CACNB2: variants seen among roughly 807,000 people sequenced by gnomAD.
CACNB2 encodes calcium voltage-gated channel auxiliary subunit beta 2, also known as voltage-dependent L-type calcium channel subunit beta-2.
Under a neutral mutation model 73.3 loss-of-function variants are expected in CACNB2, and 42 were observed. The observed-to-expected ratio is 0.57, with a 90% confidence interval of 0.45 to 0.74. The LOEUF (loss-of-function observed/expected upper bound fraction) is 0.74. Ranked by LOEUF, CACNB2 falls within the 30% of genes least tolerant of loss-of-function variation. The pLI, the probability that CACNB2 is intolerant of heterozygous loss-of-function variation, is 0.00. For missense variants in CACNB2, 940 were observed against 853.0 expected, an observed-to-expected ratio of 1.10 and a Z score of -1.27; for synonymous variants, 348 against 310.3, an observed-to-expected ratio of 1.12 and a Z score of -1.28.
At position 18,150,957 on chromosome 10, in the gene CACNB2, A is replaced by G; in HGVS notation, c.195A>G (p.Ser65=). ...SDGSTSSDTT[S]NSFVRQGSAD... ...GAAGCACGTCATCTGATACTACCTCAAATAGTTTTGTTCGCCAGGTAAGAG... is the reference window on the plus strand; with the variant it reads ...GAAGCACGTCATCTGATACTACCTCGAATAGTTTTGTTCGCCAGGTAAGAG... The change falls in exon 2 of 14, where the codon TCA becomes TCG. Residue 65 remains serine (S), a synonymous_variant. Coordinates refer to ENST00000324631, the MANE Select transcript of CACNB2 (RefSeq NM_201596.3). The G allele has an allele frequency of 3.7e-6, 6 of 1,602,596 alleles. No homozygotes were observed. Among genetic ancestry groups the G allele is most frequent in the Non-Finnish European group, 5.1e-6 (6 of 1,174,312 alleles).
chr10:18,183,953 C>T (rs559319670), intron 2 of CACNB2, among the ~76,000 whole-genome samples: 110 of 152,296 alleles, frequency 7.2e-4, no homozygotes, highest in Admixed American at 2.0e-3. Context: ...CGTTGCTCCT[C>T]TGTGCAGATG....
At chr10:18,290,019 A>T (rs936509045) in intron 2 of CACNB2, among the ~76,000 whole-genome samples, 2 of 147,406 alleles carry the variant, frequency 1.4e-5, no homozygotes, top group Non-Finnish European at 3.0e-5. Context: ...TCTAAAAAGC[A>T]CTCCTTTGAC....
At chr10:18,498,297 AAGG>A in intron 3 of CACNB2, 55 bp from the exon 4 acceptor site, 1 of 1,604,796 alleles carries the variant, frequency 6.2e-7, no homozygotes, top group Non-Finnish European at 8.5e-7. Flanking sequence ...TTGAGGGAAA[AAGG>A]AGGGACAGTG....
At chr10:18,147,757 T>G (rs2031135854) in intron 1 of CACNB2, among the ~76,000 whole-genome samples, 2 of 152,198 alleles carry the variant, frequency 1.3e-5, no homozygotes, top group African/African-American at 4.8e-5. Flanking sequence ...TTTGAACACT[T>G]AATCTTCCCT....
At chr10:18,314,588 AAAC>A (rs2040085895) in intron 2 of CACNB2, among the ~76,000 whole-genome samples, 1 of 152,194 alleles carries the variant, frequency 6.6e-6, no homozygotes, top group Non-Finnish European at 1.5e-5. Flanking sequence ...GAGAAAAAAA[AAAC>A]GTGAGCCACC....
At chr10:18,294,527 C>G (rs1179043929) in intron 2 of CACNB2, among the ~76,000 whole-genome samples, 3 of 152,114 alleles carry the variant, frequency 2.0e-5, no homozygotes, top group Non-Finnish European at 2.9e-5. Flanking sequence ...AAAGCAAATA[C>G]CTAAGTAGTA....
chr10:18,248,181 C>T (rs1277260725), intron 2 of CACNB2, among the ~76,000 whole-genome samples: 2 of 152,208 alleles, frequency 1.3e-5, no homozygotes, highest in East Asian at 3.8e-4. Context: ...AGAAAAGCCC[C>T]ACTTTTCCAA....
At chr10:18,497,221 A>AAG (rs1445276030) in intron 3 of CACNB2, among the ~76,000 whole-genome samples, 5 of 151,458 alleles carry the variant, frequency 3.3e-5, no homozygotes, top group Non-Finnish European at 5.9e-5. Flanking sequence ...AAAAAAAAAA[A>AAG]AAAGAAAAGA....
chr10:18,262,166 G>A (rs1233457692), intron 2 of CACNB2, among the ~76,000 whole-genome samples: 1 of 152,118 alleles, frequency 6.6e-6, no homozygotes, highest in Non-Finnish European at 1.5e-5. Context: ...AATTGACAAA[G>A]CAAGCTAATC....
rs869311555 is a variant in CACNB2 at position 18,307,983 on chromosome 10, C to CTTTTTTTTTTTTTTTTTTTTTTTTTTTT, written c.214-93914_214-93913insTTTTTTTTTTTTTTTTTTTTTTTTTTTT. Among the ~76,000 whole-genome samples the CTTTTTTTTTTTTTTTTTTTTTTTTTTTT allele has an allele frequency of 5.6e-4, 39 of 70,246 alleles. 11 individuals are homozygous for CTTTTTTTTTTTTTTTTTTTTTTTTTTTT. The highest frequency in any genetic ancestry group is 8.9e-4 in the African/African-American group (15 of 16,764). The allele number at this position is 70,246 out of a possible 152,430, so 46.1% of individuals were successfully genotyped here. A position where few individuals can be genotyped will look rare whatever the true frequency, so the allele number is the denominator to read the frequency against. On this transcript the variant is annotated intron_variant, in intron 2 of 13. Coordinates refer to ENST00000324631, the MANE Select transcript of CACNB2 (RefSeq NM_201596.3). ...TTAAGTCTAAAATAATATATGCCAA[C>CTTTTTTTTTTTTTTTTTTTTTTTTTTTT]TTTTTTTTTTTTTTTTTTTTTTTTT...
Position 18,540,616 on chromosome 10 carries a change from T to G in CACNB2, c.*892T>G, listed in dbSNP as rs1457692942. On this transcript the variant is annotated 3_prime_UTR_variant, in exon 14 of 14. Coordinates refer to ENST00000324631, the MANE Select transcript of CACNB2 (RefSeq NM_201596.3). Reference sequence around the variant, plus strand: ...GTAAATATAAAACTCCAGAGGTTGTTCTACTCCATACAGTTCACACTGATT... The same window carrying G: ...GTAAATATAAAACTCCAGAGGTTGTGCTACTCCATACAGTTCACACTGATT... 2 of 152,576 alleles carry G rather than the reference T, an allele frequency of 1.3e-5. No individual in the cohort carries two copies. Among genetic ancestry groups the G allele is most frequent in the African/African-American group, 4.8e-5 (2 of 41,426 alleles). The allele number at this position is 152,576 out of a possible 1,614,324, so 9.5% of individuals were successfully genotyped here. A position where few individuals can be genotyped will look rare whatever the true frequency, so the allele number is the denominator to read the frequency against.
intron 2 of CACNB2, among the ~76,000 whole-genome samples, chr10:18,327,203 T>C (rs1393790795): frequency 1.3e-5 from 2 of 152,172 alleles, no homozygotes; most frequent in African/African-American, 2.4e-5. Context: ...ACCTGTGGAT[T>C]TGAGGGTCCA....
At chr10:18,267,198 T>TCG (rs2037849601) in intron 2 of CACNB2, among the ~76,000 whole-genome samples, 1 of 151,520 alleles carries the variant, frequency 6.6e-6, no homozygotes, top group Admixed American at 6.6e-5. Context: ...GAACTGCATT[T>TCG]TTTTTTTATT....
In CACNB2 at chr10:18,505,558, C is replaced by T. The variant is rs182777020; in HGVS notation, c.594-913C>T. ...AATATTTACGTAAGTAAATATTGCCCTTTGATGCATAAACACTGTAGCAAA... is the reference window on the plus strand; with the variant it reads ...AATATTTACGTAAGTAAATATTGCCTTTTGATGCATAAACACTGTAGCAAA... On this transcript the variant is annotated intron_variant, in intron 5 of 13. Transcript: ENST00000324631. 6.6e-5 allele frequency among the ~76,000 whole-genome samples: 10 copies of T among 152,134 alleles called. No individual in the cohort carries two copies. The East Asian group carries it at 1.9e-3, about 29-fold the overall frequency.
intron 3 of CACNB2, among the ~76,000 whole-genome samples, chr10:18,467,113 C>T (rs142040959): frequency 3.6e-3 from 549 of 152,278 alleles, no homozygotes; most frequent in African/African-American, 0.012. Flanking sequence ...AAGATCACAA[C>T]ACTGCACTAC....
chr10:18,415,501 C>G (rs918308790), intron 3 of CACNB2, among the ~76,000 whole-genome samples: 4 of 151,238 alleles, frequency 2.6e-5, no homozygotes, highest in African/African-American at 9.7e-5. Flanking sequence ...AAAAAAAAAG[C>G]ATTATGAGCC....
At chr10:18,255,383 C>T (rs1279302185) in intron 2 of CACNB2, among the ~76,000 whole-genome samples, 1 of 152,204 alleles carries the variant, frequency 6.6e-6, no homozygotes, top group Non-Finnish European at 1.5e-5. Flanking sequence ...GACACCTTTT[C>T]TGACCCTTCT....
intron 3 of CACNB2, among the ~76,000 whole-genome samples, chr10:18,468,721 TG>T (rs1383168230): frequency 6.6e-6 from 1 of 152,040 alleles, no homozygotes; most frequent in East Asian, 1.9e-4. Flanking sequence ...TGCCTCAGCC[TG>T]TGGAGTAGCT....
chr10:18,311,620 AT>A (rs1451463099), intron 2 of CACNB2, among the ~76,000 whole-genome samples: 3 of 152,248 alleles, frequency 2.0e-5, no homozygotes, highest in Non-Finnish European at 4.4e-5. Context: ...AAGTAAAAAA[AT>A]ATATACTTAC....
Sources: allele counts gnomAD v4.1 joint callset (sites outside exome capture counted in the v4.1 genomes callset), GRCh38; gene constraint gnomAD v4.1.1; transcripts MANE v1.5; gene names NCBI Gene and HGNC (gene_info 2026-07-23, HGNC 2026-07-21).